The following FERMT2 variants were observed in gnomAD, a reference collection of about 807,000 sequenced individuals.
The protein encoded by FERMT2 is fermitin family homolog 2.
FERMT2 carries 15 observed loss-of-function variants against 82.7 expected under a neutral mutation model. That is an observed-to-expected ratio of 0.18 (90% CI 0.12 to 0.28). The LOEUF is 0.28. FERMT2 is among the 10% of genes least tolerant of loss of function. The pLI, the probability that FERMT2 is intolerant of heterozygous loss-of-function variation, is 1.00. For synonymous variants in FERMT2, 274 were observed against 271.5 expected (o/e 1.01, Z -0.09); for missense variants, 645 against 809.4 (o/e 0.80, Z 2.46).
intron 3 of FERMT2, among the ~76,000 whole-genome samples, chr14:52,897,000 AC>A (rs1277187382): frequency 8.9e-3 from 3 of 336 alleles, no homozygotes; most frequent in Admixed American, 0.045. Flanking sequence ...AACAAATAAA[AC>A]ACACACACAC....
At chr14:52,889,744 A>G (rs1886822540) in intron 4 of FERMT2, among the ~76,000 whole-genome samples, 1 of 152,224 alleles carries the variant, frequency 6.6e-6, no homozygotes, top group South Asian at 2.1e-4. Context: ...CCTGTACAGC[A>G]TGTTACTGTA....
intron 2 of FERMT2, among the ~76,000 whole-genome samples, chr14:52,925,616 G>C (rs1889221606): frequency 6.6e-6 from 1 of 150,750 alleles, no homozygotes; most frequent in African/African-American, 2.4e-5. Context: ...AGGTGTGTGT[G>C]TGAGGTAGTT....
chr14:52,923,005 T>A (rs1215996470), intron 2 of FERMT2, among the ~76,000 whole-genome samples: 1 of 152,184 alleles, frequency 6.6e-6, no homozygotes, highest in Non-Finnish European at 1.5e-5. Flanking sequence ...GATTCTAGGA[T>A]ACAAACCTGT....
chr14:52,893,388 G>C lies in FERMT2; in HGVS notation c.431C>G (p.Pro144Arg). The change falls in exon 4 of 15, where the codon CCC becomes CGC. Residue 144 changes from proline to arginine, a missense_variant. Physicochemically the swap from Pro to Arg is moderately radical, Grantham distance 103. Coordinates refer to ENST00000341590, the MANE Select transcript of FERMT2 (RefSeq NM_006832.3). ...CTTTTTTTTCTTTGTTGGATCTCTG[G>C]GTTTCTTTAAGAGAGAAAGTTCTTC... ...HPEELSLLKKPRDPTKKKKKK... is the reference protein window; with the variant it reads ...HPEELSLLKKRRDPTKKKKKK... 6.2e-7 allele frequency: 1 copy of C among 1,610,940 alleles called. No homozygotes were observed. Among genetic ancestry groups the C allele is most frequent in the Non-Finnish European group, 8.5e-7 (1 of 1,178,594 alleles).
chr14:52,858,311 A>G lies in FERMT2; in HGVS notation c.*66T>C, dbSNP rs565729637. 5.0e-5 allele frequency: 70 copies of G among 1,409,912 alleles called. 1 individual carries two copies. The highest frequency in any genetic ancestry group is 3.6e-4 in the Admixed American group (20 of 56,254). The allele number at this position is 1,409,912 out of a possible 1,614,324, so 87.3% of individuals were successfully genotyped here. On this transcript the variant is annotated 3_prime_UTR_variant, in exon 15 of 15. Transcript: ENST00000341590. ...TCAAGCTTACTTTATTAAGCAGCAT[A>G]TAACAAACAGCTTTTAAAGTTAAAT...
intron 4 of FERMT2, among the ~76,000 whole-genome samples, chr14:52,882,328 T>G (rs1022436612): frequency 3.9e-5 from 6 of 152,166 alleles, no homozygotes; most frequent in Non-Finnish European, 8.8e-5. Flanking sequence ...TATTTAATAG[T>G]CAAATCTCAA....
At chr14:52,871,301 A>G (rs546246170) in intron 10 of FERMT2, among the ~76,000 whole-genome samples, 12 of 152,250 alleles carry the variant, frequency 7.9e-5, no homozygotes, top group African/African-American at 2.9e-4. Flanking sequence ...AGATACAGTG[A>G]GAGGACTGTG....
At position 52,886,441 on chromosome 14, in the gene FERMT2, C is replaced by G. The variant is rs1307040355; in HGVS notation, c.527-4972G>C. ...GAACTCCTGGGCTCAGGAGATCCTCCTGTCTCAGCCTCCCAAGTAGCTAGG... is the reference window on the plus strand; with the variant it reads ...GAACTCCTGGGCTCAGGAGATCCTCGTGTCTCAGCCTCCCAAGTAGCTAGG... On this transcript the variant is annotated intron_variant, in intron 4 of 14. Coordinates refer to ENST00000341590, the MANE Select transcript of FERMT2 (RefSeq NM_006832.3). Among the ~76,000 whole-genome samples the G allele has an allele frequency of 7.9e-5, 12 of 152,140 alleles. No homozygotes were observed. The East Asian group carries it at 2.3e-3, about 29-fold the overall frequency.
intron 2 of FERMT2, among the ~76,000 whole-genome samples, chr14:52,934,667 A>G (rs545543976): frequency 6.6e-6 from 1 of 152,200 alleles, no homozygotes; most frequent in Admixed American, 6.5e-5. Flanking sequence ...CTTTGGCTGT[A>G]TATCTATAGT....
chr14:52,902,052 T>C (rs759515565), intron 3 of FERMT2, among the ~76,000 whole-genome samples: 4 of 152,042 alleles, frequency 2.6e-5, no homozygotes, highest in Non-Finnish European at 4.4e-5. Flanking sequence ...ATGAAGAGGC[T>C]GAGAAAAAGA....
chr14:52,945,191 G>A (rs548039432), intron 2 of FERMT2, among the ~76,000 whole-genome samples: 16 of 152,006 alleles, frequency 1.1e-4, no homozygotes, highest in Admixed American at 7.2e-4. Context: ...GATTACAGGC[G>A]TAAGTTACCG....
At chr14:52,865,480 T>C (rs1885218687) in intron 10 of FERMT2, among the ~76,000 whole-genome samples, 1 of 152,168 alleles carries the variant, frequency 6.6e-6, no homozygotes, top group Non-Finnish European at 1.5e-5. Context: ...TTGCAGACCT[T>C]TCTTTGTCAC....
chr14:52,872,436 A>G (rs1174158041), intron 10 of FERMT2, among the ~76,000 whole-genome samples: 1 of 152,156 alleles, frequency 6.6e-6, no homozygotes, highest in Non-Finnish European at 1.5e-5. Flanking sequence ...GGGGAGACTG[A>G]GGCAAGAAAA....
intron 2 of FERMT2, among the ~76,000 whole-genome samples, chr14:52,939,189 T>C (rs143779781): frequency 0.014 from 1,355 of 97,114 alleles, 40 homozygotes; most frequent in East Asian, 0.09. Flanking sequence ...ATCCCATCTC[T>C]ACTAAAAAAA....
At chr14:52,878,477 T>C in intron 7 of FERMT2, 105 bp downstream of exon 7, 1 of 722,034 alleles carries the variant, frequency 1.4e-6, no homozygotes, top group Non-Finnish European at 2.4e-6. Context: ...TGGCAAAAAT[T>C]CTGTCTCGTG....
chr14:52,877,128 CACCT>C (rs1260766155), intron 7 of FERMT2, among the ~76,000 whole-genome samples: 1 of 152,106 alleles, frequency 6.6e-6, no homozygotes, highest in Non-Finnish European at 1.5e-5. Context: ...ACGTTTTGAG[CACCT>C]ACTATGTGCC....
intron 4 of FERMT2, among the ~76,000 whole-genome samples, chr14:52,882,821 A>T (rs1250210102): frequency 6.6e-6 from 1 of 152,136 alleles, no homozygotes; most frequent in African/African-American, 2.4e-5. Flanking sequence ...TTTTACTGAA[A>T]ATATGTAATC....
intron 10 of FERMT2, among the ~76,000 whole-genome samples, chr14:52,865,317 C>T (rs1885206116): frequency 1.3e-5 from 2 of 152,102 alleles, no homozygotes; most frequent in African/African-American, 4.8e-5. Context: ...GCGAAACTCT[C>T]TCTTCAGAAT....
chr14:52,947,296 G>A (rs1394067331), intron 2 of FERMT2, among the ~76,000 whole-genome samples: 1 of 152,102 alleles, frequency 6.6e-6, no homozygotes, highest in Non-Finnish European at 1.5e-5. Context: ...CGGTTAACAC[G>A]GTGAAACCCC....
Sources: allele counts gnomAD v4.1 joint callset (sites outside exome capture counted in the v4.1 genomes callset), GRCh38; gene constraint gnomAD v4.1.1; transcripts MANE v1.5; gene names NCBI Gene and HGNC (gene_info 2026-07-23, HGNC 2026-07-21).